Variants in FAM227B observed in about 807,000 individuals in gnomAD.
FAM227B encodes family with sequence similarity 227 member B, also known as protein FAM227B.
A neutral mutation model predicts 73.8 loss-of-function variants in FAM227B; 88 were observed. That is an observed-to-expected ratio of 1.19 (90% CI 1.00 to 1.42). FAM227B has a LOEUF of 1.42. Among genes scored for constraint, FAM227B ranks in the 40% most tolerant of loss-of-function variants. The pLI is 0.00. For synonymous variants in FAM227B, 210 were observed against 190.5 expected, an observed-to-expected ratio of 1.10 and a Z score of -0.84; for missense variants, 632 against 590.9, an observed-to-expected ratio of 1.07 and a Z score of -0.72.
intron 13 of FAM227B, among the ~76,000 whole-genome samples, chr15:49,357,123 G>A (rs929765229): frequency 2.7e-5 from 4 of 150,856 alleles, no homozygotes; most frequent in African/African-American, 9.8e-5. Flanking sequence ...ATGCCCACAA[G>A]AGAAGGCAGG....
At chr15:49,404,130 G>A (rs537394605) in intron 11 of FAM227B, among the ~76,000 whole-genome samples, 6 of 152,208 alleles carry the variant, frequency 3.9e-5, no homozygotes, top group African/African-American at 1.2e-4. Flanking sequence ...CCAAGAGACT[G>A]GTTGTTATGA....
chr15:49,515,869 G>A (rs1233775544), intron 10 of FAM227B, among the ~76,000 whole-genome samples: 1 of 152,096 alleles, frequency 6.6e-6, no homozygotes, highest in South Asian at 2.1e-4. Context: ...ATATTTGTTA[G>A]TTGATGTTTG....
chr15:49,438,973 G>A (rs1405347522), intron 11 of FAM227B, among the ~76,000 whole-genome samples: 1 of 151,658 alleles, frequency 6.6e-6, no homozygotes, highest in East Asian at 2.0e-4. Context: ...GCTTAAAACA[G>A]TATTTATTAT....
chr15:49,588,658 T>C (rs1030944195), intron 4 of FAM227B, among the ~76,000 whole-genome samples: 2 of 146,828 alleles, frequency 1.4e-5, no homozygotes, highest in African/African-American at 5.0e-5. Flanking sequence ...TCATACTTTG[T>C]TTACTTGTGG....
At chr15:49,410,325 G>A (rs2048788727) in intron 11 of FAM227B, among the ~76,000 whole-genome samples, 1 of 152,050 alleles carries the variant, frequency 6.6e-6, no homozygotes, top group South Asian at 2.1e-4. Context: ...GCTCCCCATA[G>A]GCCACGTTGT....
At chr15:49,336,029 A>G (rs999880556) in intron 13 of FAM227B, among the ~76,000 whole-genome samples, 2 of 152,038 alleles carry the variant, frequency 1.3e-5, no homozygotes, top group African/African-American at 4.8e-5. Flanking sequence ...TTGAACTTCA[A>G]ACTCCTGGGC....
intron 11 of FAM227B, among the ~76,000 whole-genome samples, chr15:49,497,073 A>G (rs1200522145): frequency 6.6e-6 from 1 of 152,208 alleles, no homozygotes. Flanking sequence ...ACCTATGGAT[A>G]GAAGTCTTTA....
intron 9 of FAM227B, among the ~76,000 whole-genome samples, chr15:49,556,119 T>G (rs1351687116): frequency 6.6e-6 from 1 of 152,198 alleles, no homozygotes; most frequent in Non-Finnish European, 1.5e-5. Context: ...ATTGGGGAAC[T>G]AGTACAGTTA....
chr15:49,562,344 A>T (rs1304831616), intron 9 of FAM227B, among the ~76,000 whole-genome samples: 3 of 152,006 alleles, frequency 2.0e-5, no homozygotes, highest in African/African-American at 7.2e-5. Flanking sequence ...TCTGAAGTTA[A>T]ATCAGTAATA....
At chr15:49,474,849 G>T (rs1395730845) in intron 11 of FAM227B, among the ~76,000 whole-genome samples, 1 of 152,096 alleles carries the variant, frequency 6.6e-6, no homozygotes, top group East Asian at 1.9e-4. Flanking sequence ...AATGCCTGAC[G>T]ATTTGAAGTG....
At chr15:49,487,466 T>A (rs571191920) in intron 11 of FAM227B, 24 of 152,024 alleles carry the variant, frequency 1.6e-4, no homozygotes, top group African/African-American at 5.8e-4. Flanking sequence ...TGTCAGCCTT[T>A]GAGTTGGCTA....
chr15:49,365,971 T>C, intron 13 of FAM227B: 1 of 845,918 alleles, frequency 1.2e-6, no homozygotes, highest in Non-Finnish European at 2.1e-6. Context: ...GTGGAAGAAA[T>C]AAAGTAAGAC....
At chr15:49,546,524 G>A (rs1201242103) in intron 9 of FAM227B, among the ~76,000 whole-genome samples, 1 of 152,146 alleles carries the variant, frequency 6.6e-6, no homozygotes, top group Non-Finnish European at 1.5e-5. Context: ...GATCCCTGAG[G>A]AATCACCACA....
intron 5 of FAM227B, among the ~76,000 whole-genome samples, chr15:49,586,328 C>T (rs1257598276): frequency 5.9e-5 from 9 of 152,144 alleles, no homozygotes; most frequent in Non-Finnish European, 1.0e-4. Flanking sequence ...GGATAACTGG[C>T]TAGCCATATG....
At chr15:49,464,049 C>T (rs2054048387) in intron 11 of FAM227B, among the ~76,000 whole-genome samples, 1 of 151,040 alleles carries the variant, frequency 6.6e-6, no homozygotes, top group Admixed American at 6.6e-5. Context: ...ATTTTTTTTT[C>T]CATCCCCAAA....
chr15:49,577,275 C>A (rs2075515547), intron 6 of FAM227B: 1 of 351,994 alleles, frequency 2.8e-6, no homozygotes, highest in South Asian at 2.3e-5. Flanking sequence ...CCAGCCTGGG[C>A]CACAGAGTGA....
chr15:49,392,885 T>C (rs1011506087), intron 11 of FAM227B, among the ~76,000 whole-genome samples: 1 of 152,182 alleles, frequency 6.6e-6, no homozygotes, highest in African/African-American at 2.4e-5. Context: ...CATGATAGTC[T>C]ATTGGAAGAT....
At chr15:49,593,342 A>G (rs1268926296) in intron 3 of FAM227B, among the ~76,000 whole-genome samples, 1 of 152,096 alleles carries the variant, frequency 6.6e-6, no homozygotes, top group Non-Finnish European at 1.5e-5. Flanking sequence ...AATTTCTTTC[A>G]TCAATATTTT....
At chr15:49,413,443 C>T (rs1252585798) in intron 11 of FAM227B, among the ~76,000 whole-genome samples, 2 of 152,054 alleles carry the variant, frequency 1.3e-5, no homozygotes, top group Non-Finnish European at 2.9e-5. Flanking sequence ...TTGTAAATTG[C>T]CCAGTCTCGG....
Sources: allele counts gnomAD v4.1 joint callset (sites outside exome capture counted in the v4.1 genomes callset), GRCh38; gene constraint gnomAD v4.1.1; transcripts MANE v1.5; gene names NCBI Gene and HGNC (gene_info 2026-07-23, HGNC 2026-07-21).